PPP3CA: variants seen among roughly 807,000 people sequenced by gnomAD.
The protein encoded by PPP3CA is protein phosphatase 3 catalytic subunit alpha.
Under a neutral mutation model 66.5 loss-of-function variants are expected in PPP3CA, and 14 were observed. The observed-to-expected ratio is 0.21, with a 90% CI of 0.14 to 0.33. The LOEUF (loss-of-function observed/expected upper bound fraction) is 0.33, where lower values mean the gene tolerates loss of function less well. PPP3CA is among the 10% of genes least tolerant of loss of function. The pLI is 1.00. For missense variants in PPP3CA, 317 were observed against 639.5 expected (o/e 0.50, Z 5.44); for synonymous variants, 232 against 226.2 (o/e 1.03, Z -0.23).
rs891379213 is a variant in PPP3CA at position 101,040,203 on chromosome 4, C to T, written c.1241+279G>A. Among the ~76,000 whole-genome samples, 10 of 152,072 alleles carry T rather than the reference C, an allele frequency of 6.6e-5. No individual in the cohort carries two copies. In the South Asian group the frequency reaches 1.5e-3, roughly 22 times the overall value. ...CTGTTTCCTAAGATATTCAACCTACCGTGAAATCAATGTTTTAAAGTCCTA... is the reference window on the plus strand; with the variant it reads ...CTGTTTCCTAAGATATTCAACCTACTGTGAAATCAATGTTTTAAAGTCCTA... On this transcript the variant is annotated intron_variant, in intron 11 of 13. Transcript: ENST00000394854.
intron 2 of PPP3CA, among the ~76,000 whole-genome samples, chr4:101,177,852 A>G (rs1724112408): frequency 6.6e-6 from 1 of 151,934 alleles, no homozygotes; most frequent in African/African-American, 2.4e-5. Context: ...CACAATTCCT[A>G]TAACAATGAC....
intron 6 of PPP3CA, among the ~76,000 whole-genome samples, chr4:101,084,912 A>G (rs1729596578): frequency 6.6e-6 from 1 of 152,218 alleles, no homozygotes; most frequent in South Asian, 2.1e-4. Context: ...CAGTCTCTGC[A>G]TGGAAACATG....
chr4:101,119,587 A>G (rs1004108964), intron 2 of PPP3CA, among the ~76,000 whole-genome samples: 5 of 152,094 alleles, frequency 3.3e-5, no homozygotes, highest in African/African-American at 7.2e-5. Flanking sequence ...TTTTCTACAT[A>G]GGGAAAAAAA....
chr4:101,098,885 G>GA, intron 4 of PPP3CA, among the ~76,000 whole-genome samples: 1 of 152,120 alleles, frequency 6.6e-6, no homozygotes, highest in South Asian at 2.1e-4. Flanking sequence ...CGATTTTGTA[G>GA]AAAAGCAGAT....
chr4:101,198,089 T>C (rs1398151129), intron 1 of PPP3CA, among the ~76,000 whole-genome samples: 2 of 152,252 alleles, frequency 1.3e-5, no homozygotes, highest in Admixed American at 1.3e-4. Context: ...AGACAAAATG[T>C]ATAATGCCAA....
chr4:101,307,393 A>T (rs1272816169), intron 1 of PPP3CA, among the ~76,000 whole-genome samples: 1 of 152,164 alleles, frequency 6.6e-6, no homozygotes, highest in African/African-American at 2.4e-5. Flanking sequence ...CTTCGAAACA[A>T]TTCTGAGAAG....
intron 1 of PPP3CA, among the ~76,000 whole-genome samples, chr4:101,342,667 A>C (rs1022074641): frequency 1.3e-5 from 2 of 152,176 alleles, no homozygotes; most frequent in South Asian, 4.1e-4. Context: ...TGAATTAATA[A>C]AGTTTCACTA....
chr4:101,248,408 A>G (rs1225818806), intron 1 of PPP3CA, among the ~76,000 whole-genome samples: 1 of 152,226 alleles, frequency 6.6e-6, no homozygotes, highest in Non-Finnish European at 1.5e-5. Context: ...TTGAATTAAA[A>G]GGAAACCACT....
chr4:101,231,033 C>T (rs186948243), intron 1 of PPP3CA, among the ~76,000 whole-genome samples: 278 of 151,800 alleles, frequency 1.8e-3, no homozygotes, highest in Non-Finnish European at 2.7e-3. Context: ...GATGATTTCA[C>T]AGGAATCAAT....
intron 2 of PPP3CA, among the ~76,000 whole-genome samples, chr4:101,111,356 G>A (rs371913627): frequency 6.6e-6 from 1 of 152,110 alleles, no homozygotes; most frequent in Non-Finnish European, 1.5e-5. Context: ...TGGGTGTGAC[G>A]CTGACACTTT....
intron 1 of PPP3CA, among the ~76,000 whole-genome samples, chr4:101,238,533 A>G (rs889428911): frequency 3.3e-5 from 5 of 152,094 alleles, no homozygotes; most frequent in African/African-American, 7.2e-5. Flanking sequence ...TTAAAGATCA[A>G]AAAGAAAATA....
chr4:101,244,710 A>G (rs1182031376), intron 1 of PPP3CA, among the ~76,000 whole-genome samples: 1 of 152,198 alleles, frequency 6.6e-6, no homozygotes, highest in African/African-American at 2.4e-5. Flanking sequence ...GTTTCAGAAG[A>G]ATTCAAAATA....
intron 10 of PPP3CA, among the ~76,000 whole-genome samples, chr4:101,049,192 C>T (rs1033037214): frequency 6.6e-6 from 1 of 152,004 alleles, no homozygotes; most frequent in African/African-American, 2.4e-5. Context: ...TGTTGTGTTC[C>T]GTCTGTTTAA....
intron 3 of PPP3CA, among the ~76,000 whole-genome samples, chr4:101,108,474 A>T (rs1035993129): frequency 6.6e-6 from 1 of 152,200 alleles, no homozygotes; most frequent in South Asian, 2.1e-4. Flanking sequence ...ATTAAAAAAT[A>T]TGGGAATCAC....
At chr4:101,174,455 T>C (rs926669067) in intron 2 of PPP3CA, among the ~76,000 whole-genome samples, 1 of 152,208 alleles carries the variant, frequency 6.6e-6, no homozygotes, top group African/African-American at 2.4e-5. Flanking sequence ...TATGTATTCT[T>C]ATAATCTGGC....
chr4:101,333,812 T>C (rs185037277), intron 1 of PPP3CA, among the ~76,000 whole-genome samples: 3 of 152,328 alleles, frequency 2.0e-5, no homozygotes, highest in Admixed American at 2.0e-4. Context: ...TATCACTCCC[T>C]TTTCTGCATT....
intron 2 of PPP3CA, among the ~76,000 whole-genome samples, chr4:101,131,237 AAAATAAATAAATAAAT>A (rs140632196): frequency 5.6e-4 from 77 of 138,698 alleles, no homozygotes; most frequent in African/African-American, 1.3e-3. Context: ...ACTCCGTCTC[AAAATAAATAAATAAAT>A]AAATAAATAA....
intron 1 of PPP3CA, among the ~76,000 whole-genome samples, chr4:101,249,153 C>T (rs1384012177): frequency 1.5e-4 from 20 of 136,720 alleles, no homozygotes; most frequent in African/African-American, 5.2e-4. Context: ...GGCGACAGAG[C>T]GAGACTCTGT....
chr4:101,106,434 A>G (rs1730703382), intron 3 of PPP3CA, among the ~76,000 whole-genome samples: 1 of 13,678 alleles, frequency 7.3e-5, no homozygotes, highest in Non-Finnish European at 1.5e-4. Flanking sequence ...AGAAAGAAAG[A>G]AAGAAAGAAA....
Sources: gnomAD v4.1 joint callset for allele counts (sites outside exome capture counted in the v4.1 genomes callset) on GRCh38, gnomAD v4.1.1 for gene constraint, MANE v1.5 for transcripts, NCBI Gene and HGNC (gene_info 2026-07-23, HGNC 2026-07-21) for gene names.